RPS6KC1: variants seen among roughly 807,000 people sequenced by gnomAD.
RPS6KC1 encodes ribosomal protein S6 kinase C1, also known as inactive ribosomal protein S6 kinase delta-1.
Under a neutral mutation model 103.8 loss-of-function variants are expected in RPS6KC1, and 54 were observed. The observed-to-expected ratio is 0.52, with a 90% CI of 0.42 to 0.65. RPS6KC1 has a LOEUF of 0.65. RPS6KC1 is among the 30% of genes least tolerant of loss of function. The probability of loss-of-function intolerance (pLI) is 0.00; values close to 1 mark genes in which losing one functional copy is unlikely to be tolerated. For missense variants in RPS6KC1, 1,151 were observed against 1,253.8 expected (o/e 0.92, Z 1.24); for synonymous variants, 439 against 438.7 (o/e 1.00, Z -0.01).
the RPS6KC1 span, among the ~76,000 whole-genome samples, chr1:213,774,083 A>T: frequency 6.6e-6 from 1 of 152,192 alleles, no homozygotes; most frequent in Non-Finnish European, 1.5e-5. Context: ...TTCTCTGGAC[A>T]CAAACCTCTT....
the RPS6KC1 span, among the ~76,000 whole-genome samples, chr1:213,811,840 G>A: frequency 5.9e-5 from 9 of 152,136 alleles, no homozygotes; most frequent in African/African-American, 2.2e-4. Flanking sequence ...GAGCCATTGA[G>A]GGTTTTTAAC....
At chr1:213,182,324 T>G (rs1379546110) in intron 8 of RPS6KC1, among the ~76,000 whole-genome samples, 1 of 152,100 alleles carries the variant, frequency 6.6e-6, no homozygotes, top group Non-Finnish European at 1.5e-5. Flanking sequence ...AAAACCTGTC[T>G]CTACTAAAAA....
At chr1:213,133,302 T>C (rs2085867474) in intron 6 of RPS6KC1, among the ~76,000 whole-genome samples, 1 of 152,184 alleles carries the variant, frequency 6.6e-6, no homozygotes, top group Admixed American at 6.5e-5. Flanking sequence ...ATGTGTGGGC[T>C]TATTGGAGTG....
chr1:213,553,582 A>G, the RPS6KC1 span, among the ~76,000 whole-genome samples: 3 of 152,294 alleles, frequency 2.0e-5, no homozygotes, highest in Non-Finnish European at 4.4e-5. Flanking sequence ...AGAAATTTCC[A>G]TACTGCTTTC....
At chr1:213,368,780 T>G in the RPS6KC1 span, among the ~76,000 whole-genome samples, 5 of 152,282 alleles carry the variant, frequency 3.3e-5, no homozygotes, top group African/African-American at 1.2e-4. Flanking sequence ...CGGACAGATA[T>G]GGAGAGAAAT....
chr1:213,722,900 C>T, the RPS6KC1 span, among the ~76,000 whole-genome samples: 73 of 152,270 alleles, frequency 4.8e-4, no homozygotes, highest in Middle Eastern at 3.4e-3. Flanking sequence ...GTATTCTGGC[C>T]GGGCAAGGTG....
chr1:213,782,977 G>C, the RPS6KC1 span, among the ~76,000 whole-genome samples: 1 of 152,116 alleles, frequency 6.6e-6, no homozygotes, highest in African/African-American at 2.4e-5. Context: ...CTAGCTTGCT[G>C]TAACTCACCA....
chr1:213,756,913 A>G, the RPS6KC1 span, among the ~76,000 whole-genome samples: 1 of 152,090 alleles, frequency 6.6e-6, no homozygotes, highest in African/African-American at 2.4e-5. Flanking sequence ...ACCCAGCCCA[A>G]ACATCTTTAT....
At chr1:213,714,656 C>T in the RPS6KC1 span, among the ~76,000 whole-genome samples, 1 of 152,240 alleles carries the variant, frequency 6.6e-6, no homozygotes. Flanking sequence ...AAATTTGAAT[C>T]CGTCCTCTGA....
the RPS6KC1 span, among the ~76,000 whole-genome samples, chr1:213,790,872 T>C: frequency 1.3e-5 from 2 of 151,666 alleles, no homozygotes; most frequent in African/African-American, 2.4e-5. Flanking sequence ...CTATTTGGAA[T>C]AAGGAAGCTC....
At chr1:213,307,815 C>G in the RPS6KC1 span, among the ~76,000 whole-genome samples, 1 of 152,138 alleles carries the variant, frequency 6.6e-6, no homozygotes, top group Non-Finnish European at 1.5e-5. Context: ...TCACCAGGAC[C>G]GACATGGTCA....
At chr1:213,216,715 A>T (rs1448802689) in intron 8 of RPS6KC1, among the ~76,000 whole-genome samples, 1 of 152,196 alleles carries the variant, frequency 6.6e-6, no homozygotes, top group Non-Finnish European at 1.5e-5. Flanking sequence ...GGATTAAGAA[A>T]CTCACTCAAA....
At chr1:213,495,369 T>A in the RPS6KC1 span, among the ~76,000 whole-genome samples, 1 of 152,068 alleles carries the variant, frequency 6.6e-6, no homozygotes, top group East Asian at 1.9e-4. Context: ...TTGCCCAGGC[T>A]GGAATGCAGT....
At chr1:213,804,742 A>C in the RPS6KC1 span, among the ~76,000 whole-genome samples, 1 of 152,256 alleles carries the variant, frequency 6.6e-6, no homozygotes, top group Admixed American at 6.5e-5. Context: ...CAAGCATTTA[A>C]AATAGCTCTT....
At chr1:213,497,361 A>G in the RPS6KC1 span, among the ~76,000 whole-genome samples, 8,895 of 148,826 alleles carry the variant, frequency 0.06, 799 homozygotes, top group African/African-American at 0.2. Context: ...TAAAAAGTTA[A>G]AAGTTTAACT....
chr1:213,216,238 A>G (rs1371132952), intron 8 of RPS6KC1, among the ~76,000 whole-genome samples: 1 of 152,240 alleles, frequency 6.6e-6, no homozygotes, highest in Non-Finnish European at 1.5e-5. Flanking sequence ...CTAGTCTCTG[A>G]TAAAACAGAC....
At chr1:213,694,068 A>G in the RPS6KC1 span, among the ~76,000 whole-genome samples, 1 of 152,222 alleles carries the variant, frequency 6.6e-6, no homozygotes, top group Non-Finnish European at 1.5e-5. Flanking sequence ...CACAATAAGC[A>G]TGAGTGTCTC....
At chr1:213,501,216 G>A in the RPS6KC1 span, among the ~76,000 whole-genome samples, 1 of 152,178 alleles carries the variant, frequency 6.6e-6, no homozygotes, top group Non-Finnish European at 1.5e-5. Context: ...TATTACAACG[G>A]TTGAATAATT....
the RPS6KC1 span, among the ~76,000 whole-genome samples, chr1:213,525,653 G>A: frequency 1.3e-5 from 2 of 152,102 alleles, no homozygotes; most frequent in African/African-American, 4.8e-5. Context: ...GTAGCCACAT[G>A]GTAGGAGGAG....
Sources: allele counts gnomAD v4.1 joint callset (sites outside exome capture counted in the v4.1 genomes callset), GRCh38; gene constraint gnomAD v4.1.1; transcripts MANE v1.5; gene names NCBI Gene and HGNC (gene_info 2026-07-23, HGNC 2026-07-21).